Variants in TBXAS1 observed in about 807,000 individuals in gnomAD.
The protein encoded by TBXAS1 is thromboxane A synthase 1.
A neutral mutation model predicts 60.7 loss-of-function variants in TBXAS1; 48 were observed. The ratio of observed to expected loss-of-function variants is 0.79; its 90% CI spans 0.63 to 1.01. The LOEUF (loss-of-function observed/expected upper bound fraction) is 1.01, where lower values mean the gene tolerates loss of function less well. Ranked by LOEUF, TBXAS1 falls within the 50% of genes least tolerant of loss-of-function variation. TBXAS1 has a pLI of 0.00. For synonymous variants in TBXAS1, 287 were observed against 269.7 expected, an observed-to-expected ratio of 1.06 and a Z score of -0.63; for missense variants, 685 against 686.3, an observed-to-expected ratio of 1.00 and a Z score of 0.02.
chr7:139,905,771 A>T (rs1288827251), intron 3 of TBXAS1, among the ~76,000 whole-genome samples: 1 of 152,160 alleles, frequency 6.6e-6, no homozygotes, highest in East Asian at 1.9e-4. Context: ...GTAGTTTGCA[A>T]ATATTGTCTC....
chr7:139,861,411 T>C (rs1441616301), intron 1 of TBXAS1, among the ~76,000 whole-genome samples: 1 of 138,326 alleles, frequency 7.2e-6, no homozygotes, highest in African/African-American at 2.8e-5. Context: ...TTTTTTTTTC[T>C]TTTTAGAATT....
chr7:139,977,448 T>C (rs1338598634), intron 9 of TBXAS1, among the ~76,000 whole-genome samples: 1 of 152,078 alleles, frequency 6.6e-6, no homozygotes, highest in African/African-American at 2.4e-5. Flanking sequence ...CCCACCAGTT[T>C]CCTCCCACAA....
At chr7:139,973,659 C>G (rs768552731) in intron 9 of TBXAS1, among the ~76,000 whole-genome samples, 16 of 151,444 alleles carry the variant, frequency 1.1e-4, no homozygotes, top group Non-Finnish European at 1.9e-4. Flanking sequence ...TTCCAGATCA[C>G]AAGGGAGGTG....
chr7:139,784,502 C>T (rs746198134), intron 3 of TBXAS1, among the ~76,000 whole-genome samples: 3 of 152,176 alleles, frequency 2.0e-5, no homozygotes, highest in African/African-American at 4.8e-5. Context: ...GGACAAATGG[C>T]AAGGAGTGTG....
intron 4 of TBXAS1, among the ~76,000 whole-genome samples, chr7:139,926,982 T>C (rs960204225): frequency 2.0e-5 from 3 of 151,952 alleles, no homozygotes; most frequent in African/African-American, 7.2e-5. Flanking sequence ...GGTTTCTTTT[T>C]TTTGTTTTTT....
At chr7:139,997,833 G>C (rs1813396224) in intron 9 of TBXAS1, among the ~76,000 whole-genome samples, 1 of 152,164 alleles carries the variant, frequency 6.6e-6, no homozygotes, top group Non-Finnish European at 1.5e-5. Context: ...TACTAAAGCT[G>C]AACATACACA....
At chr7:139,836,901 A>C (rs531921353) in intron 1 of TBXAS1, among the ~76,000 whole-genome samples, 1 of 152,342 alleles carries the variant, frequency 6.6e-6, no homozygotes, top group East Asian at 1.9e-4. Flanking sequence ...AGAAATCTTC[A>C]CAATCTATAC....
At chr7:140,002,316 G>A (rs752372820) in intron 9 of TBXAS1, among the ~76,000 whole-genome samples, 19 of 152,214 alleles carry the variant, frequency 1.2e-4, no homozygotes, top group Non-Finnish European at 1.6e-4. Flanking sequence ...GAATGAAAGA[G>A]GACTTATAAT....
At chr7:139,783,072 C>T (rs1797052704) in intron 3 of TBXAS1, among the ~76,000 whole-genome samples, 1 of 152,170 alleles carries the variant, frequency 6.6e-6, no homozygotes. Context: ...AGACATTACA[C>T]TCACAGAGAA....
rs1569522263 is a variant in TBXAS1 at position 139,984,638 on chromosome 7, G to GAA, written c.1134+22406_1134+22407insAA. ...AAAGAGAGAGAGAGAGAGAGAGAGA[G>GAA]AGAGAAAGAAAGAAAGGGAAGGGGG... is the stretch of plus-strand genomic sequence containing the variant. On this transcript the variant is annotated intron_variant, in intron 9 of 12. Coordinates refer to ENST00000448866, the MANE Select transcript of TBXAS1 (RefSeq NM_001061.7). Among the ~76,000 whole-genome samples, 3 of 121,666 alleles carry GAA rather than the reference G, an allele frequency of 2.5e-5. 1 individual carries two copies. The highest frequency in any genetic ancestry group is 5.5e-4 in the East Asian group (2 of 3,616). 79.8% of individuals were successfully genotyped at this position (121,666 alleles called of 152,430 possible). A position where few individuals can be genotyped will look rare whatever the true frequency, so the allele number is the denominator to read the frequency against.
At chr7:139,804,669 G>A (rs9632668) in intron 4 of TBXAS1, among the ~76,000 whole-genome samples, 91,169 of 151,870 alleles carry the variant, frequency 0.6, 27,809 homozygotes, top group East Asian at 0.95. Context: ...GGTTTTTCCT[G>A]TGCTATTTTC....
In TBXAS1 at chr7:140,017,684, G is replaced by A; in HGVS notation, c.1378G>A (p.Ala460Thr). The A allele has an allele frequency of 6.2e-7, 1 of 1,613,216 alleles. No homozygotes were observed. The highest frequency in any genetic ancestry group is 1.1e-5 in the South Asian group (1 of 91,024). ...TFNPERFTAE[A>T]RQQHRPFTYL... Reference sequence around the variant, plus strand: ...ACGGACCTGCAGGTTCACGGCTGAGGCCCGGCAGCAGCACCGGCCCTTCAC... The same window carrying A: ...ACGGACCTGCAGGTTCACGGCTGAGACCCGGCAGCAGCACCGGCCCTTCAC... The change falls in exon 12 of 13, where the codon GCC (alanine) becomes ACC (threonine). Residue 460 changes from alanine to threonine, a missense_variant. Coordinates refer to ENST00000448866, the MANE Select transcript of TBXAS1 (RefSeq NM_001061.7).
chr7:139,889,354 C>T (rs776417740), intron 3 of TBXAS1, among the ~76,000 whole-genome samples: 4 of 151,592 alleles, frequency 2.6e-5, no homozygotes, highest in Non-Finnish European at 5.9e-5. Context: ...CCTAAAAATG[C>T]AGCAAGTCAT....
intron 4 of TBXAS1, among the ~76,000 whole-genome samples, chr7:139,805,966 G>GCT (rs1797864006): frequency 8.1e-6 from 1 of 123,828 alleles, no homozygotes; most frequent in African/African-American, 3.3e-5. Context: ...ATGGAGTCTC[G>GCT]CTCTTTCACC....
intron 12 of TBXAS1, among the ~76,000 whole-genome samples, chr7:140,019,044 C>T (rs1384726589): frequency 6.6e-6 from 1 of 152,222 alleles, no homozygotes; most frequent in African/African-American, 2.4e-5. Context: ...CCGGAACCCA[C>T]TGTTCAGCTG....
chr7:139,973,953 G>A (rs1269169278), intron 9 of TBXAS1, among the ~76,000 whole-genome samples: 1 of 152,108 alleles, frequency 6.6e-6, no homozygotes, highest in Admixed American at 6.5e-5. Context: ...CAGATATCCT[G>A]CAAAAGAATC....
intron 10 of TBXAS1, among the ~76,000 whole-genome samples, chr7:140,012,895 A>T (rs1266471341): frequency 6.6e-6 from 1 of 152,212 alleles, no homozygotes; most frequent in East Asian, 1.9e-4. Context: ...CTGAAGAGTG[A>T]CAGCACGTTT....
At chr7:139,997,724 TAGA>T (rs1352552600) in intron 9 of TBXAS1, among the ~76,000 whole-genome samples, 1 of 152,134 alleles carries the variant, frequency 6.6e-6, no homozygotes, top group Non-Finnish European at 1.5e-5. Flanking sequence ...TTAGAGTAAA[TAGA>T]AGAAACTAGG....
At position 139,959,286 on chromosome 7, in the gene TBXAS1, A is replaced by G. The variant is rs187998893; in HGVS notation, c.819+1522A>G. ...TACTAAGAAAACTTGCTTTAAAACC[A>G]TCTAAAGTCTGTATACATTCCATCA... On this transcript the variant is annotated intron_variant, in intron 8 of 12. Coordinates refer to ENST00000448866, the MANE Select transcript of TBXAS1 (RefSeq NM_001061.7). Among the ~76,000 whole-genome samples, 7 of 152,388 alleles carry G rather than the reference A, an allele frequency of 4.6e-5. No homozygotes were observed. The East Asian group carries it at 5.8e-4, about 13-fold the overall frequency.
Sources: allele counts gnomAD v4.1 joint callset (sites outside exome capture counted in the v4.1 genomes callset), GRCh38; gene constraint gnomAD v4.1.1; transcripts MANE v1.5; gene names NCBI Gene and HGNC (gene_info 2026-07-23, HGNC 2026-07-21).